MSMB: variants seen among roughly 807,000 people sequenced by gnomAD.
MSMB encodes beta-microseminoprotein.
In MSMB, 10 loss-of-function variants were observed where a neutral mutation model predicts 10.5. The ratio of observed to expected loss-of-function variants is 0.95; its 90% CI spans 0.59 to 1.62. The LOEUF is 1.62. MSMB is among the 40% of genes most tolerant of loss of function. The pLI is 0.00. For missense variants in MSMB, 126 were observed against 137.4 expected (o/e 0.92, Z 0.42); for synonymous variants, 43 against 46.5 (o/e 0.93, Z 0.30).
chr10:46,045,489 C>T (rs781798935), intron 1 of MSMB, among the ~76,000 whole-genome samples: 6 of 152,060 alleles, frequency 3.9e-5, no homozygotes, highest in Non-Finnish European at 7.3e-5. Context: ...ATCATGACTG[C>T]ACCACTGCAC....
intron 1 of MSMB, among the ~76,000 whole-genome samples, chr10:46,040,779 C>A (rs1449267085): frequency 3.3e-5 from 5 of 151,858 alleles, no homozygotes; most frequent in Non-Finnish European, 5.9e-5. Flanking sequence ...ACGGTGAAAC[C>A]CCGTCTCTAC....
intron 1 of MSMB, among the ~76,000 whole-genome samples, chr10:46,044,557 CAGAG>C (rs1840843670): frequency 1.8e-5 from 2 of 113,822 alleles, no homozygotes; most frequent in East Asian, 2.8e-4. Context: ...GCCTGGGCGA[CAGAG>C]AGACTCCGTC....
intron 1 of MSMB, among the ~76,000 whole-genome samples, chr10:46,043,549 G>A (rs1840801085): frequency 1.3e-5 from 2 of 151,924 alleles, no homozygotes; most frequent in African/African-American, 4.8e-5. Context: ...ACACAATCTA[G>A]GAGCCAGTGC....
chr10:46,039,803 A>G (rs976719262), intron 2 of MSMB, among the ~76,000 whole-genome samples, 183 bp downstream of exon 2: 4 of 152,124 alleles, frequency 2.6e-5, no homozygotes, highest in African/African-American at 9.7e-5. Context: ...AATCACTGGA[A>G]CCCGGGAGGA....
At chr10:46,041,910 G>A (rs1840762582) in intron 1 of MSMB, among the ~76,000 whole-genome samples, 1 of 151,634 alleles carries the variant, frequency 6.6e-6, no homozygotes. Flanking sequence ...ATATGTAGAA[G>A]TTTATTATAA....
In MSMB at chr10:46,042,494, A is replaced by G. The variant is rs7087212; in HGVS notation, c.4-2403T>C. Reference sequence around the variant, plus strand: ...CTTACTTTGAACAATCGTTAAGGAGAACAATTTGCTACTATATATCCACAT... The same window carrying G: ...CTTACTTTGAACAATCGTTAAGGAGGACAATTTGCTACTATATATCCACAT... On this transcript the variant is annotated intron_variant, in intron 1 of 3. Coordinates refer to ENST00000582163, the MANE Select transcript of MSMB (RefSeq NM_002443.4). Among the ~76,000 whole-genome samples the G allele has an allele frequency of 7.5e-3, 1,141 of 152,330 alleles. 15 individuals carry two copies. Among genetic ancestry groups the G allele is most frequent in the African/African-American group, 0.025 (1,049 of 41,572 alleles).
chr10:46,033,975 G>A (rs1306920104), intron 3 of MSMB, among the ~76,000 whole-genome samples: 1 of 152,228 alleles, frequency 6.6e-6, no homozygotes, highest in African/African-American at 2.4e-5. Context: ...GTCACTCCAG[G>A]CCAGTGTCAT....
intron 1 of MSMB, among the ~76,000 whole-genome samples, chr10:46,044,239 T>C (rs1332048109): frequency 2.0e-5 from 3 of 152,068 alleles, no homozygotes; most frequent in African/African-American, 7.2e-5. Context: ...TTCTAGATGG[T>C]ACAGCGAGCC....
At chr10:46,043,856 G>C (rs959959194) in intron 1 of MSMB, among the ~76,000 whole-genome samples, 2 of 152,064 alleles carry the variant, frequency 1.3e-5, no homozygotes, top group Non-Finnish European at 2.9e-5. Context: ...TGTATTTGTA[G>C]TAGAGACGTA....
At chr10:46,039,631 C>T (rs185323609) in intron 2 of MSMB, among the ~76,000 whole-genome samples, 1 of 152,350 alleles carries the variant, frequency 6.6e-6, no homozygotes, top group East Asian at 1.9e-4. Context: ...CCTGTAATCC[C>T]AACACTTTGG....
intron 1 of MSMB, among the ~76,000 whole-genome samples, chr10:46,040,682 C>T (rs1347952255): frequency 6.6e-6 from 1 of 152,206 alleles, no homozygotes; most frequent in Non-Finnish European, 1.5e-5. Flanking sequence ...CTGCCAGGCA[C>T]GGTGGCTCAC....
At position 46,033,534 on chromosome 10, in the gene MSMB, C is replaced by CTATGTTT. The variant is rs1554927114; in HGVS notation, c.232_233insAAACATA (p.Gly78GlufsTer3). On this transcript the variant is annotated stop_gained and frameshift_variant, in exon 4 of 4. Transcript: ENST00000582163. LOFTEE classifies it low-confidence loss of function (END_TRUNC). ...TCTTTGGCAGTTGTCTTTGTCATAA[C>CTATGTTT]CCACAGGTGTAGAAACACTGTCATT... 4.3e-6 allele frequency: 7 copies of CTATGTTT among 1,613,680 alleles called. No homozygotes were observed. The highest frequency in any genetic ancestry group is 5.9e-6 in the Non-Finnish European group (7 of 1,179,632).
intron 1 of MSMB, among the ~76,000 whole-genome samples, chr10:46,044,519 T>C (rs1168093760): frequency 7.7e-6 from 1 of 130,200 alleles, no homozygotes; most frequent in South Asian, 2.3e-4. Flanking sequence ...GAGCTTGCAG[T>C]GAGCCGAGAT....
At chr10:46,037,612 CA>C (rs1840639765) in intron 3 of MSMB, among the ~76,000 whole-genome samples, 1 of 151,968 alleles carries the variant, frequency 6.6e-6, no homozygotes, top group Non-Finnish European at 1.5e-5. Flanking sequence ...AGTGAAGCAG[CA>C]TAAGTTTTAT....
Position 46,044,983 on chromosome 10 carries a change from A to G in MSMB, c.3+1252T>C, listed in dbSNP as rs144551883. Among the ~76,000 whole-genome samples the G allele has an allele frequency of 4.3e-4, 65 of 152,044 alleles. 1 individual carries two copies. In the East Asian group the frequency reaches 0.012, roughly 27 times the overall value. Reference sequence around the variant, plus strand: ...ACCCCACTGTTGTTTTACCATCCCCAGTTCTGCCTCCGGACAGTTTCTGAG... The same window carrying G: ...ACCCCACTGTTGTTTTACCATCCCCGGTTCTGCCTCCGGACAGTTTCTGAG... On this transcript the variant is annotated intron_variant, in intron 1 of 3. Coordinates refer to ENST00000582163, the MANE Select transcript of MSMB (RefSeq NM_002443.4).
chr10:46,041,392 T>G (rs936151066), intron 1 of MSMB, among the ~76,000 whole-genome samples: 4 of 151,732 alleles, frequency 2.6e-5, no homozygotes. Flanking sequence ...AAACTAAATT[T>G]GTTGTAATTT....
chr10:46,033,499 T>A lies in MSMB; in HGVS notation c.268A>T (p.Lys90Ter), dbSNP rs782319552. 2.5e-6 allele frequency: 4 copies of A among 1,613,896 alleles called. No homozygotes were observed. Among genetic ancestry groups the A allele is most frequent in the Non-Finnish European group, 8.5e-7 (1 of 1,179,796 alleles). ...DKDNCQRIFK[K>*]EDCKYIVVEK... ...ACCACGATATACTTGCAGTCCTCCT[T>A]CTTGAAGATTCTTTGGCAGTTGTCT... is the stretch of plus-strand genomic sequence containing the variant. The change falls in exon 4 of 4, where the codon AAG becomes TAG. Residue 90 changes from lysine to a stop codon, truncating the protein, a stop_gained. Coordinates refer to ENST00000582163, the MANE Select transcript of MSMB (RefSeq NM_002443.4). LOFTEE classifies it low-confidence loss of function (END_TRUNC).
intron 1 of MSMB, among the ~76,000 whole-genome samples, chr10:46,043,431 T>TTCTGTCTC (rs1840797725): frequency 8.4e-6 from 1 of 119,556 alleles, no homozygotes; most frequent in Non-Finnish European, 1.7e-5. Context: ...CTCCCTCCCT[T>TTCTGTCTC]TCTGTCTCTC....
At chr10:46,036,808 G>C (rs1840618568) in intron 3 of MSMB, among the ~76,000 whole-genome samples, 4 of 152,172 alleles carry the variant, frequency 2.6e-5, no homozygotes, top group Admixed American at 2.6e-4. Flanking sequence ...TGCCAAATCT[G>C]GGTGACATGG....
Sources: allele counts gnomAD v4.1 joint callset (sites outside exome capture counted in the v4.1 genomes callset), GRCh38; gene constraint gnomAD v4.1.1; transcripts MANE v1.5; gene names NCBI Gene and HGNC (gene_info 2026-07-23, HGNC 2026-07-21).